The following LSAMP variants were observed in gnomAD, a reference collection of about 807,000 sequenced individuals.
LSAMP encodes limbic system-associated membrane protein.
LSAMP carries 7 observed loss-of-function variants against 38.6 expected under a neutral mutation model. The observed-to-expected ratio is 0.18, with a 90% CI of 0.10 to 0.34. The LOEUF is 0.34. Ranked by LOEUF, LSAMP falls within the 10% of genes least tolerant of loss-of-function variation. LSAMP has a pLI of 1.00. For synonymous variants in LSAMP, 154 were observed against 166.8 expected, an observed-to-expected ratio of 0.92 and a Z score of 0.59; for missense variants, 313 against 420.0, an observed-to-expected ratio of 0.75 and a Z score of 2.23.
At chr3:116,044,961 A>G (rs929162696) in intron 2 of LSAMP, among the ~76,000 whole-genome samples, 13 of 152,190 alleles carry the variant, frequency 8.5e-5, no homozygotes, top group Admixed American at 2.0e-4. Flanking sequence ...AACAAAAAAC[A>G]AAAAAACCCA....
At chr3:116,064,470 G>A (rs182267238) in intron 2 of LSAMP, among the ~76,000 whole-genome samples, 3 of 140,070 alleles carry the variant, frequency 2.1e-5, no homozygotes, top group Admixed American at 1.5e-4. Flanking sequence ...AGCCAAGATC[G>A]CACCACTGCA....
At chr3:115,884,646 T>C (rs1013839609) in intron 3 of LSAMP, among the ~76,000 whole-genome samples, 1 of 151,900 alleles carries the variant, frequency 6.6e-6, no homozygotes, top group Non-Finnish European at 1.5e-5. Flanking sequence ...ATATTGCAAA[T>C]ATCGGGGAAC....
At position 116,397,386 on chromosome 3, in the gene LSAMP, G is replaced by GC. The variant is rs34626647; in HGVS notation, c.155+47490dup. Among the ~76,000 whole-genome samples, 579 of 100,032 alleles carry GC rather than the reference G, an allele frequency of 5.8e-3. 3 individuals are homozygous for GC. The highest frequency in any genetic ancestry group is 0.025 in the South Asian group (72 of 2,888). The allele number at this position is 100,032 out of a possible 152,430, so 65.6% of individuals were successfully genotyped here. A position where few individuals can be genotyped will look rare whatever the true frequency, so the allele number is the denominator to read the frequency against. On this transcript the variant is annotated intron_variant, in intron 1 of 6. Coordinates refer to ENST00000490035, the MANE Select transcript of LSAMP (RefSeq NM_002338.5). ...TCAGCCTACCCTATTTAAAATACCC[G>GC]CCCCCCCCCCACACACACATACACA...
At chr3:115,972,012 A>G (rs1032754771) in intron 3 of LSAMP, among the ~76,000 whole-genome samples, 3 of 152,094 alleles carry the variant, frequency 2.0e-5, no homozygotes, top group African/African-American at 7.2e-5. Flanking sequence ...TGTAGAAAAT[A>G]ATTTTCAAGA....
At chr3:116,115,672 A>G (rs1708725237) in intron 1 of LSAMP, among the ~76,000 whole-genome samples, 1 of 152,056 alleles carries the variant, frequency 6.6e-6, no homozygotes, top group Admixed American at 6.6e-5. Flanking sequence ...GCAAAAAACA[A>G]AAAACAAAAC....
chr3:115,919,673 G>A (rs973027520), intron 3 of LSAMP, among the ~76,000 whole-genome samples: 21 of 152,202 alleles, frequency 1.4e-4, no homozygotes, highest in South Asian at 6.2e-4. Flanking sequence ...GTGCAGTGGC[G>A]CGATCTTGGC....
At chr3:116,399,673 C>T (rs1246232117) in intron 1 of LSAMP, among the ~76,000 whole-genome samples, 1 of 152,160 alleles carries the variant, frequency 6.6e-6, no homozygotes, top group Non-Finnish European at 1.5e-5. Context: ...CCTTTTGAGT[C>T]TGCAGGTTGA....
chr3:116,093,354 G>A (rs934273847), intron 1 of LSAMP, among the ~76,000 whole-genome samples: 4 of 152,174 alleles, frequency 2.6e-5, no homozygotes, highest in Admixed American at 2.6e-4. Flanking sequence ...TGACAGGATC[G>A]AGGTTGAAAT....
At chr3:115,824,724 A>G (rs1934352673) in intron 6 of LSAMP, among the ~76,000 whole-genome samples, 1 of 151,900 alleles carries the variant, frequency 6.6e-6, no homozygotes, top group Non-Finnish European at 1.5e-5. Context: ...AAAAAAAAAA[A>G]AAAGAACTAG....
At chr3:116,030,836 A>G (rs1369730934) in intron 2 of LSAMP, among the ~76,000 whole-genome samples, 1 of 152,178 alleles carries the variant, frequency 6.6e-6, no homozygotes, top group African/African-American at 2.4e-5. Flanking sequence ...TAATTCTTAG[A>G]GCAGATGAAA....
intron 1 of LSAMP, among the ~76,000 whole-genome samples, chr3:116,269,426 C>A (rs1238755844): frequency 6.6e-6 from 1 of 152,042 alleles, no homozygotes; most frequent in African/African-American, 2.4e-5. Flanking sequence ...TCTCTGGCAT[C>A]CTACACATTG....
At chr3:115,916,170 G>T (rs900222484) in intron 3 of LSAMP, among the ~76,000 whole-genome samples, 1 of 152,076 alleles carries the variant, frequency 6.6e-6, no homozygotes, top group African/African-American at 2.4e-5. Context: ...GAGAGTGCTT[G>T]GCCCCACCTT....
chr3:116,417,325 G>T (rs549085710), intron 1 of LSAMP, among the ~76,000 whole-genome samples: 1 of 152,304 alleles, frequency 6.6e-6, no homozygotes, highest in South Asian at 2.1e-4. Context: ...GTTTCTCTGG[G>T]TCAGTCCTAG....
At chr3:116,391,921 A>C (rs755286361) in intron 1 of LSAMP, among the ~76,000 whole-genome samples, 6 of 152,042 alleles carry the variant, frequency 3.9e-5, no homozygotes, top group Non-Finnish European at 8.8e-5. Flanking sequence ...CCCACCCTCC[A>C]TCAGGGTGAC....
At chr3:116,206,616 T>C (rs980854098) in intron 1 of LSAMP, among the ~76,000 whole-genome samples, 3 of 147,250 alleles carry the variant, frequency 2.0e-5, no homozygotes, top group Non-Finnish European at 3.0e-5. Flanking sequence ...TTTGTTCTCG[T>C]TGGTTTCAAA....
intron 1 of LSAMP, among the ~76,000 whole-genome samples, chr3:116,342,842 A>G (rs574156649): frequency 2.6e-5 from 4 of 152,226 alleles, no homozygotes; most frequent in East Asian, 3.9e-4. Flanking sequence ...GAGAAATACA[A>G]CTTAGCTTCT....
At position 116,373,791 on chromosome 3, in the gene LSAMP, A is replaced by G. The variant is rs142964641; in HGVS notation, c.155+71086T>C. Among the ~76,000 whole-genome samples, 655 of 152,012 alleles carry G rather than the reference A, an allele frequency of 4.3e-3. 6 individuals carry two copies. Among genetic ancestry groups the G allele is most frequent in the African/African-American group, 0.015 (621 of 41,530 alleles). ...AGAAAAAAGGGATTCCAGTAGTGTG[A>G]GCAAATGGAAGGATCTGGATTCCCA... On this transcript the variant is annotated intron_variant, in intron 1 of 6. Coordinates refer to ENST00000490035, the MANE Select transcript of LSAMP (RefSeq NM_002338.5).
At chr3:116,383,174 A>G (rs574163839) in intron 1 of LSAMP, among the ~76,000 whole-genome samples, 1 of 152,252 alleles carries the variant, frequency 6.6e-6, no homozygotes, top group Admixed American at 6.5e-5. Flanking sequence ...TCTAGGAGAA[A>G]GTTTGGAGGC....
At chr3:116,216,658 T>A (rs552667641) in intron 1 of LSAMP, among the ~76,000 whole-genome samples, 1 of 152,140 alleles carries the variant, frequency 6.6e-6, no homozygotes, top group Admixed American at 6.5e-5. Flanking sequence ...GCAGGCACAG[T>A]AATGAATTAG....
Sources: allele counts gnomAD v4.1 joint callset (sites outside exome capture counted in the v4.1 genomes callset), GRCh38; gene constraint gnomAD v4.1.1; transcripts MANE v1.5; gene names NCBI Gene and HGNC (gene_info 2026-07-23, HGNC 2026-07-21).